BBS1: variants seen among roughly 807,000 people sequenced by gnomAD.
The protein encoded by BBS1 is BBSome complex member BBS1.
BBS1 carries 60 observed loss-of-function variants against 73.9 expected under a neutral mutation model. The ratio of observed to expected loss-of-function variants is 0.81; its 90% CI spans 0.66 to 1.01. BBS1 has a LOEUF of 1.01. Among genes scored for constraint, BBS1 ranks in the 50% least tolerant of loss-of-function variants. BBS1 has a pLI of 0.00. For missense variants in BBS1, 718 were observed against 770.3 expected (o/e 0.93, Z 0.80); for synonymous variants, 283 against 317.4 (o/e 0.89, Z 1.15).
At chr11:66,523,116 T>C (rs978452606) in intron 9 of BBS1, 4 of 485,510 alleles carry the variant, frequency 8.2e-6, no homozygotes, top group Non-Finnish European at 1.6e-5. Context: ...CTAAGTCCAC[T>C]TGTCCTGGCT....
chr11:66,510,689 C>T lies in BBS1; in HGVS notation c.30C>T (p.Asp10=). 2 of 1,614,178 alleles carry T rather than the reference C, an allele frequency of 1.2e-6. No individual in the cohort carries two copies. The highest frequency in any genetic ancestry group is 2.2e-5 in the East Asian group (1 of 44,884). ...CCGCTGCGTCCTCATCGGATTCCGA[C>T]GCCTGCGGAGCTGAGAGGTGAAGGC... The part of the protein sequence containing the change: MAAASSSDS[D]ACGAESNEAN... Residue 10 remains aspartate (D), a synonymous_variant, in exon 1 of 17, where the codon GAC becomes GAT. Transcript: ENST00000318312.
chr11:66,521,470 G>A, intron 9 of BBS1, 94 bp downstream of exon 9: 1 of 1,007,190 alleles, frequency 9.9e-7, no homozygotes, highest in Non-Finnish European at 1.5e-6. Flanking sequence ...TTTAAGGCTG[G>A]AATTTGGAAA....
chr11:66,532,147 CTCCCCT>C lies in BBS1; in HGVS notation c.*111_*116del. On this transcript the variant is annotated 3_prime_UTR_variant, in exon 17 of 17. Transcript: ENST00000318312. ...GCAGTGTGCTGGGGCGACAGCTCGTCTCCCCTCTCTTAAGCACCCGCTTCCTCACCA... is the reference window on the plus strand; with the variant it reads ...GCAGTGTGCTGGGGCGACAGCTCGTCCTCTTAAGCACCCGCTTCCTCACCA... 8.4e-7 allele frequency: 1 copy of C among 1,194,262 alleles called. No homozygotes were observed. The highest frequency in any genetic ancestry group is 1.2e-6 in the Non-Finnish European group (1 of 852,910). 74.0% of individuals were successfully genotyped at this position (1,194,262 alleles called of 1,614,324 possible).
Position 66,514,566 on chromosome 11 carries a change from C to G in BBS1, c.320C>G (p.Ala107Gly). The G allele has an allele frequency of 6.2e-7, 1 of 1,614,178 alleles. No individual in the cohort carries two copies. The highest frequency in any genetic ancestry group is 8.5e-7 in the Non-Finnish European group (1 of 1,180,050). The change falls in exon 4 of 17, where the codon GCT becomes GGT. Residue 107 changes from alanine to glycine, a missense_variant. Ala to Gly is a moderately conservative substitution (Grantham distance 60). Transcript: ENST00000318312. ...HEPRTPALALASGPCVYVYKN... is the reference protein window; with the variant it reads ...HEPRTPALALGSGPCVYVYKN... ...CCCCGGACCCCAGCTCTGGCACTTG[C>G]TTCAGGCCCTTGTGTCTATGTGTAT...
At position 66,510,700 on chromosome 11, in the gene BBS1, C is replaced by A. The variant is rs774110999; in HGVS notation, c.41C>A (p.Ala14Asp). Residue 14 changes from alanine (A) to aspartate (D), a missense_variant, in exon 1 of 17, where the codon GCT (alanine) becomes GAT (aspartate). Transcript: ENST00000318312. Reference sequence around the variant, plus strand: ...TCATCGGATTCCGACGCCTGCGGAGCTGAGAGGTGAAGGCAGGGCTCCTCA... The same window carrying A: ...TCATCGGATTCCGACGCCTGCGGAGATGAGAGGTGAAGGCAGGGCTCCTCA... The part of the protein sequence containing the change: ...ASSSDSDACG[A>D]ESNEANSKWL... 6.2e-7 allele frequency: 1 copy of A among 1,614,184 alleles called. No individual in the cohort carries two copies. Among genetic ancestry groups the A allele is most frequent in the South Asian group, 1.1e-5 (1 of 91,084 alleles).
chr11:66,514,627 C>G lies in BBS1; in HGVS notation c.381C>G (p.Pro127=). The change falls in exon 4 of 17, where the codon CCC becomes CCG. Residue 127 remains proline (P), a synonymous_variant. Transcript: ENST00000318312. ...NLRPYFKFSL[P]QLPPNPLEQD... ...GACCCTACTTCAAGTTCAGCCTGCCCCAATTGCCTCCAAATCCTCTGGAAC... is the reference window on the plus strand; with the variant it reads ...GACCCTACTTCAAGTTCAGCCTGCCGCAATTGCCTCCAAATCCTCTGGAAC... 6.2e-7 allele frequency: 1 copy of G among 1,613,454 alleles called. No homozygotes were observed. Among genetic ancestry groups the G allele is most frequent in the South Asian group, 1.1e-5 (1 of 91,074 alleles).
rs530309664 is a variant in BBS1, at chr11:66,520,789, A to G, written c.724-481A>G. 8.0e-5 allele frequency: 18 copies of G among 226,214 alleles called. No homozygotes were observed. In the Admixed American group the frequency reaches 8.3e-4, roughly 10 times the overall value. 14.0% of individuals were successfully genotyped at this position (226,214 alleles called of 1,614,324 possible). A position where few individuals can be genotyped will look rare whatever the true frequency, so the allele number is the denominator to read the frequency against. ...TGTTCTCTTGCCCAGGCTGAAGTGC[A>G]GTGGTACAATCTCAGCTTACTGCAA... On this transcript the variant is annotated intron_variant, in intron 8 of 16. Transcript: ENST00000318312.
intron 13 of BBS1, 174 bp downstream of exon 13, chr11:66,526,981 A>G: frequency 6.5e-7 from 1 of 1,544,496 alleles, no homozygotes; most frequent in East Asian, 2.4e-5. Context: ...TTGCCTGCAA[A>G]TCACTGTTCC....
chr11:66,529,417 T>C, intron 13 of BBS1: 2 of 1,033,290 alleles, frequency 1.9e-6, no homozygotes, highest in East Asian at 2.6e-5. Context: ...TGGAGACACA[T>C]GCACAATATC....
intron 11 of BBS1, chr11:66,524,260 AC>A: frequency 2.9e-6 from 1 of 340,578 alleles, no homozygotes; most frequent in East Asian, 7.7e-5. Flanking sequence ...AGCCTGGACA[AC>A]AGAGCGAGAC....
chr11:66,515,703 G>A lies in BBS1; in HGVS notation c.490G>A (p.Glu164Lys). 2.5e-6 allele frequency: 4 copies of A among 1,614,232 alleles called. No homozygotes were observed. The highest frequency in any genetic ancestry group is 1.1e-5 in the South Asian group (1 of 91,088). ...CCCCTTTCCTTGCAGGGAGACGGCAGAGGAGCCTTTGTCCATCCAGTCACT... is the reference window on the plus strand; with the variant it reads ...CCCCTTTCCTTGCAGGGAGACGGCAAAGGAGCCTTTGTCCATCCAGTCACT... ...EMLESIRETAEEPLSIQSLRF... is the reference protein window; with the variant it reads ...EMLESIRETAKEPLSIQSLRF... Residue 164 changes from glutamate to lysine, a missense_variant, in exon 6 of 17, where the codon GAG (glutamate) becomes AAG (lysine). Glu to Lys is a moderately conservative substitution (Grantham distance 56). Transcript: ENST00000318312.
rs1856031382 is a variant in BBS1 at position 66,515,565 on chromosome 11, A to G, written c.458A>G (p.Lys153Arg). 6.2e-7 allele frequency: 1 copy of G among 1,614,152 alleles called. No homozygotes were observed. The highest frequency in any genetic ancestry group is 2.2e-5 in the East Asian group (1 of 44,882). The change falls in exon 5 of 17, where the codon AAG (lysine) becomes AGG (arginine). Residue 153 changes from lysine (K) to arginine (R), a missense_variant. Physicochemically the swap from Lys to Arg is conservative, Grantham distance 26. Coordinates refer to ENST00000318312, the MANE Select transcript of BBS1 (RefSeq NM_024649.5). Reference protein sequence around the residue: ...KEDRIDPLTLKEMLESIRETA... With the variant: ...KEDRIDPLTLREMLESIRETA... ...GACCGAATCGACCCCTTAACCCTGA[A>G]GGAGATGCTGGAGAGCATCCGGTGA...
rs2134771502 is a variant in BBS1 at position 66,514,588 on chromosome 11, G to A, written c.342G>A (p.Val114=). ...TTGCTTCAGGCCCTTGTGTCTATGT[G>A]TATAAGAATCTCAGACCCTACTTCA... The part of the protein sequence containing the change: ...LALASGPCVY[V]YKNLRPYFKF... The change falls in exon 4 of 17, where the codon GTG becomes GTA. Residue 114 remains valine, a synonymous_variant. Coordinates refer to ENST00000318312, the MANE Select transcript of BBS1 (RefSeq NM_024649.5). 1 of 1,613,992 alleles carries A rather than the reference G, an allele frequency of 6.2e-7. No homozygotes were observed. The highest frequency in any genetic ancestry group is 1.1e-5 in the South Asian group (1 of 91,088).
rs1490351829 is a variant in BBS1, at chr11:66,511,082, CT to C, written c.118del (p.Cys40AlafsTer2). On this transcript the variant is annotated frameshift_variant, in exon 2 of 17. Transcript: ENST00000318312. LOFTEE classifies it high-confidence loss of function. ...PMANIHTFSA[C>X]LALADLHGDG... ...TGGCCAATATCCACACCTTTTCTGC[CT>C]GCCTAGGTGAGTCTCTGGAACCAGG... 6 of 1,614,058 alleles carry C rather than the reference CT, an allele frequency of 3.7e-6. No individual in the cohort carries two copies. The Admixed American group carries it at 5.0e-5, about 13-fold the overall frequency.
At chr11:66,522,156 G>C (rs888644315) in intron 9 of BBS1, among the ~76,000 whole-genome samples, 1 of 150,994 alleles carries the variant, frequency 6.6e-6, no homozygotes, top group Non-Finnish European at 1.5e-5. Context: ...GGTGGAGCTT[G>C]CAGTGAGCCG....
At chr11:66,518,318 C>T (rs1360876459) in intron 7 of BBS1, among the ~76,000 whole-genome samples, 1 of 151,338 alleles carries the variant, frequency 6.6e-6, no homozygotes, top group Non-Finnish European at 1.5e-5. Flanking sequence ...AGTGCAATGG[C>T]ATGATCTCAG....
chr11:66,518,131 AT>A (rs1856095456), intron 7 of BBS1, among the ~76,000 whole-genome samples: 1 of 147,864 alleles, frequency 6.8e-6, no homozygotes, highest in South Asian at 2.1e-4. Flanking sequence ...CTAATTTTGT[AT>A]TTTTAGTAGG....
At chr11:66,518,292 C>T (rs555690892) in intron 7 of BBS1, among the ~76,000 whole-genome samples, 2 of 145,736 alleles carry the variant, frequency 1.4e-5, no homozygotes, top group Non-Finnish European at 3.0e-5. Flanking sequence ...GAGTCTCGCT[C>T]TGTCACCCAG....
intron 8 of BBS1, chr11:66,520,949 G>C (rs1330591074): frequency 1.0e-5 from 4 of 386,726 alleles, no homozygotes; most frequent in Non-Finnish European, 5.0e-6. Flanking sequence ...GAACTCCTGA[G>C]CTCAAGCGAT....
Sources: allele counts gnomAD v4.1 joint callset (sites outside exome capture counted in the v4.1 genomes callset), GRCh38; gene constraint gnomAD v4.1.1; transcripts MANE v1.5; gene names NCBI Gene and HGNC (gene_info 2026-07-23, HGNC 2026-07-21).